Variants in PPA1 observed in about 807,000 individuals in gnomAD.
PPA1 encodes the protein inorganic pyrophosphatase.
In PPA1, 23 loss-of-function variants were observed where a neutral mutation model predicts 41.8. The ratio of observed to expected loss-of-function variants is 0.55; its 90% CI spans 0.40 to 0.78. The LOEUF is 0.78. Ranked by LOEUF, PPA1 falls within the 30% of genes least tolerant of loss-of-function variation. The probability of loss-of-function intolerance (pLI) is 0.00; values close to 1 mark genes in which losing one functional copy is unlikely to be tolerated. For synonymous variants in PPA1, 101 were observed against 116.8 expected, an observed-to-expected ratio of 0.86 and a Z score of 0.87; for missense variants, 320 against 361.6, an observed-to-expected ratio of 0.89 and a Z score of 0.93.
intron 3 of PPA1, chr10:70,218,498 T>C: frequency 2.4e-6 from 1 of 417,012 alleles, no homozygotes; most frequent in Non-Finnish European, 4.3e-6. Context: ...TTACAGAGAG[T>C]AAGAGGAGAA....
rs149409111 is a variant in PPA1 at position 70,215,283 on chromosome 10, T to C, written c.298-697A>G. On this transcript the variant is annotated intron_variant, in intron 4 of 10. Coordinates refer to ENST00000373232, the MANE Select transcript of PPA1 (RefSeq NM_021129.4). ...CTTTTTCTTTTTTGTAGAGACAGGG[T>C]CTCACTATGTTGCCCAGGCTGGTCT... Among the ~76,000 whole-genome samples the C allele has an allele frequency of 7.0e-3, 1,072 of 152,146 alleles. 6 individuals carry two copies. Among genetic ancestry groups the C allele is most frequent in the African/African-American group, 0.025 (1,027 of 41,500 alleles).
chr10:70,220,254 T>A, intron 2 of PPA1, among the ~76,000 whole-genome samples: 1 of 52,792 alleles, frequency 1.9e-5, no homozygotes, highest in South Asian at 5.5e-4. Flanking sequence ...TAAAAAGTAC[T>A]TTTTTTTTTT....
At chr10:70,211,005 C>T (rs984223410) in intron 6 of PPA1, among the ~76,000 whole-genome samples, 4 of 152,136 alleles carry the variant, frequency 2.6e-5, no homozygotes, top group Non-Finnish European at 5.9e-5. Flanking sequence ...CCTCATGATT[C>T]GCCTGCCTCG....
chr10:70,230,375 G>A lies in PPA1; in HGVS notation c.89C>T (p.Ser30Phe). Residue 30 changes from serine to phenylalanine, a missense_variant, in exon 2 of 11, where the codon TCT (serine) becomes TTT (phenylalanine). Transcript: ENST00000373232. Reference sequence around the variant, plus strand: ...ATAAATTGGAATATCATGAAATGGAGATATATATTGTCCTTTCTCATTTTC... The same window carrying A: ...ATAAATTGGAATATCATGAAATGGAAATATATATTGTCCTTTCTCATTTTC... Reference protein sequence around the residue: ...FLKNEKGQYISPFHDIPIYAD... With the variant: ...FLKNEKGQYIFPFHDIPIYAD... The A allele has an allele frequency of 6.2e-7, 1 of 1,612,374 alleles. No individual in the cohort carries two copies. The highest frequency in any genetic ancestry group is 8.5e-7 in the Non-Finnish European group (1 of 1,179,172).
chr10:70,209,412 A>G (rs768309521), intron 7 of PPA1, 122 bp from the exon 8 acceptor site: 2 of 1,298,834 alleles, frequency 1.5e-6, no homozygotes, highest in East Asian at 4.8e-5. Context: ...AAAATGGAAG[A>G]GAATATTAAA....
chr10:70,223,807 CCTT>C (rs1238990825), intron 2 of PPA1, among the ~76,000 whole-genome samples: 1 of 152,152 alleles, frequency 6.6e-6, no homozygotes, highest in African/African-American at 2.4e-5. Context: ...CAAATTCATT[CCTT>C]CTTCTTTAAT....
chr10:70,227,442 G>A (rs1436127645), intron 2 of PPA1, among the ~76,000 whole-genome samples: 1 of 152,148 alleles, frequency 6.6e-6, no homozygotes, highest in Admixed American at 6.5e-5. Context: ...TTGAAACCAG[G>A]AGTTCGAGAC....
Position 70,218,835 on chromosome 10 carries a change from A to C in PPA1, c.124-18T>G, listed in dbSNP as rs1840105303. 2 of 1,603,700 alleles carry C rather than the reference A, an allele frequency of 1.2e-6. No individual in the cohort carries two copies. The highest frequency in any genetic ancestry group is 1.7e-5 in the Admixed American group (1 of 59,818). On this transcript the variant is annotated intron_variant, in intron 2 of 10. Transcript: ENST00000373232. The stretch of plus-strand genomic sequence containing the variant: ...AACACATCCTGAAAAAACAAAGAGA[A>C]AGTGAGATGGTCACAGGAGCCAATT...
chr10:70,215,238 C>CA (rs1564582643), intron 4 of PPA1, among the ~76,000 whole-genome samples: 1 of 151,998 alleles, frequency 6.6e-6, no homozygotes, highest in African/African-American at 2.4e-5. Context: ...ACAAAACAAA[C>CA]AAAAATGTGT....
chr10:70,221,094 T>TTG (rs1334785844), intron 2 of PPA1, among the ~76,000 whole-genome samples: 1 of 66,958 alleles, frequency 1.5e-5, no homozygotes, highest in Non-Finnish European at 2.6e-5. Context: ...TTTTTTTTTT[T>TTG]TGTAGAGATG....
intron 2 of PPA1, 61 bp from the exon 3 acceptor site, chr10:70,218,878 T>C (rs1840105588): frequency 8.1e-7 from 1 of 1,231,392 alleles, no homozygotes; most frequent in Non-Finnish European, 1.2e-6. Flanking sequence ...TGAGGGAGCA[T>C]GCACTATTTC....
At chr10:70,204,788 C>G in intron 10 of PPA1, 85 bp downstream of exon 10, 1 of 1,083,856 alleles carries the variant, frequency 9.2e-7, no homozygotes, top group Non-Finnish European at 1.4e-6. Context: ...ATTTAATTAT[C>G]ATTTGTCAAC....
At chr10:70,216,251 G>A (rs951963062) in intron 4 of PPA1, among the ~76,000 whole-genome samples, 1 of 152,134 alleles carries the variant, frequency 6.6e-6, no homozygotes, top group Admixed American at 6.6e-5. Flanking sequence ...ACTTTGCAAG[G>A]CCGAGGCAGG....
At chr10:70,214,003 T>C (rs1407165512) in intron 5 of PPA1, among the ~76,000 whole-genome samples, 2 of 152,212 alleles carry the variant, frequency 1.3e-5, no homozygotes, top group African/African-American at 4.8e-5. Flanking sequence ...GATAACTTTG[T>C]TTTTAGTTGT....
chr10:70,206,877 G>GAGGGA (rs1564580249), intron 8 of PPA1, among the ~76,000 whole-genome samples: 2 of 61,238 alleles, frequency 3.3e-5, no homozygotes, highest in Non-Finnish European at 6.3e-5. Flanking sequence ...GAGGGGAGGG[G>GAGGGA]AGGGGAGGGG....
Position 70,214,587 on chromosome 10 carries a change from C to G in PPA1, c.298-1G>C. 1.2e-6 allele frequency: 2 copies of G among 1,609,740 alleles called. No individual in the cohort carries two copies. The highest frequency in any genetic ancestry group is 1.7e-6 in the Non-Finnish European group (2 of 1,176,240). ...CATTGTGCCCTGGGTCTTCCCAAGTCTAAAAATATAAGACAGTGTATATCA... is the reference window on the plus strand; with the variant it reads ...CATTGTGCCCTGGGTCTTCCCAAGTGTAAAAATATAAGACAGTGTATATCA... On this transcript the variant is annotated splice_acceptor_variant, in intron 4 of 10. Transcript: ENST00000373232. LOFTEE classifies it high-confidence loss of function.
chr10:70,229,433 T>C (rs1405221455), intron 2 of PPA1, among the ~76,000 whole-genome samples: 2 of 152,238 alleles, frequency 1.3e-5, no homozygotes, highest in Non-Finnish European at 2.9e-5. Context: ...TTCTGGTGTA[T>C]ACAGTTGTAG....
At position 70,210,405 on chromosome 10, in the gene PPA1, C is replaced by G. The variant is rs528487776; in HGVS notation, c.512-720G>C. 52 of 1,364,840 alleles carry G rather than the reference C, an allele frequency of 3.8e-5. No homozygotes were observed. In the South Asian group the frequency reaches 4.9e-4, roughly 13 times the overall value. 84.5% of individuals were successfully genotyped at this position (1,364,840 alleles called of 1,614,324 possible). ...AGGCAGAGGCTATGTCAGAGGATCACAACACTATTACATACTAAAAGATAA... is the reference window on the plus strand; with the variant it reads ...AGGCAGAGGCTATGTCAGAGGATCAGAACACTATTACATACTAAAAGATAA... On this transcript the variant is annotated intron_variant, in intron 6 of 10. Coordinates refer to ENST00000373232, the MANE Select transcript of PPA1 (RefSeq NM_021129.4).
chr10:70,231,523 T>C (rs1415245823), intron 1 of PPA1, among the ~76,000 whole-genome samples: 2 of 152,204 alleles, frequency 1.3e-5, no homozygotes, highest in African/African-American at 2.4e-5. Context: ...GCCAAGATCA[T>C]GCCACTGCAC....
Sources: allele counts gnomAD v4.1 joint callset (sites outside exome capture counted in the v4.1 genomes callset), GRCh38; gene constraint gnomAD v4.1.1; transcripts MANE v1.5; gene names NCBI Gene and HGNC (gene_info 2026-07-23, HGNC 2026-07-21).